The following MAN1A2 variants were observed in gnomAD, a reference collection of about 807,000 sequenced individuals.
MAN1A2 encodes mannosidase alpha class 1A member 2.
In MAN1A2, 26 loss-of-function variants were observed where a neutral mutation model predicts 75.7. That is an observed-to-expected ratio of 0.34 (90% CI 0.25 to 0.48). MAN1A2 has a LOEUF of 0.48. MAN1A2 is among the 20% of genes least tolerant of loss of function. The probability of loss-of-function intolerance (pLI) is 0.99; values close to 1 mark genes in which losing one functional copy is unlikely to be tolerated. For missense variants in MAN1A2, 562 were observed against 775.5 expected (o/e 0.72, Z 3.27); for synonymous variants, 247 against 264.6 (o/e 0.93, Z 0.65).
intron 8 of MAN1A2, among the ~76,000 whole-genome samples, chr1:117,483,141 G>A (rs1246282410): frequency 6.6e-6 from 1 of 152,050 alleles, no homozygotes; most frequent in Non-Finnish European, 1.5e-5. Flanking sequence ...GGTTACTGTA[G>A]CCTTATAGTA....
At chr1:117,476,274 T>G (rs1220549191) in intron 8 of MAN1A2, among the ~76,000 whole-genome samples, 1 of 152,144 alleles carries the variant, frequency 6.6e-6, no homozygotes, top group Non-Finnish European at 1.5e-5. Context: ...GTCAGATGGA[T>G]AGATTGCAAA....
At chr1:117,496,141 A>G (rs544096088) in intron 9 of MAN1A2, among the ~76,000 whole-genome samples, 182 of 152,040 alleles carry the variant, frequency 1.2e-3, no homozygotes, top group Non-Finnish European at 2.2e-3. Flanking sequence ...TTTCAGAAAG[A>G]AAAGTTAACC....
At chr1:117,406,234 A>G (rs1647610252) in intron 3 of MAN1A2, among the ~76,000 whole-genome samples, 2 of 152,154 alleles carry the variant, frequency 1.3e-5, no homozygotes, top group African/African-American at 2.4e-5. Context: ...AACTTAACCA[A>G]TTTAACAACT....
intron 2 of MAN1A2, among the ~76,000 whole-genome samples, chr1:117,403,777 T>C (rs982652013): frequency 1.1e-4 from 17 of 152,306 alleles, no homozygotes; most frequent in African/African-American, 4.1e-4. Flanking sequence ...CTTGTCGTAC[T>C]GCAGTGGCTA....
intron 7 of MAN1A2, among the ~76,000 whole-genome samples, chr1:117,461,751 C>T (rs1052671841): frequency 6.6e-5 from 10 of 151,878 alleles, no homozygotes; most frequent in Non-Finnish European, 7.4e-5. Context: ...GGAGAGATAT[C>T]GTATTTATAT....
chr1:117,446,345 A>G (rs1462208641), intron 6 of MAN1A2, among the ~76,000 whole-genome samples: 1 of 151,728 alleles, frequency 6.6e-6, no homozygotes, highest in East Asian at 1.9e-4. Context: ...CTGGCTCCTT[A>G]CATTGGAACT....
At chr1:117,455,482 G>A (rs762053636) in intron 6 of MAN1A2, among the ~76,000 whole-genome samples, 1 of 152,020 alleles carries the variant, frequency 6.6e-6, no homozygotes, top group South Asian at 2.1e-4. Context: ...ATTTTTGTAT[G>A]TAAATTATAC....
intron 11 of MAN1A2, among the ~76,000 whole-genome samples, chr1:117,502,149 G>A (rs1459246717): frequency 6.6e-6 from 1 of 151,702 alleles, no homozygotes; most frequent in Non-Finnish European, 1.5e-5. Context: ...CTGTGCCTCA[G>A]TTTTCCCATC....
At chr1:117,490,952 T>A (rs1229217473) in intron 8 of MAN1A2, among the ~76,000 whole-genome samples, 2 of 152,014 alleles carry the variant, frequency 1.3e-5, no homozygotes, top group Non-Finnish European at 2.9e-5. Context: ...ATTCTGTGAA[T>A]GCTAAGAGAG....
intron 1 of MAN1A2, among the ~76,000 whole-genome samples, chr1:117,383,330 G>A (rs773374936): frequency 1.7e-4 from 26 of 152,148 alleles, no homozygotes; most frequent in Non-Finnish European, 3.1e-4. Context: ...GCCTATGCCT[G>A]TAGTTCTTTT....
At chr1:117,371,687 G>A (rs1289954) in intron 1 of MAN1A2, among the ~76,000 whole-genome samples, 117,857 of 152,006 alleles carry the variant, frequency 0.78, 46,013 homozygotes, top group African/African-American at 0.85. Context: ...GTGTGGGTCT[G>A]GGTGATGAGA....
intron 2 of MAN1A2, among the ~76,000 whole-genome samples, chr1:117,402,915 C>T (rs551908500): frequency 4.6e-4 from 70 of 152,084 alleles, no homozygotes; most frequent in South Asian, 2.5e-3. Context: ...CACATTCCTT[C>T]CAAAAAGTCT....
chr1:117,451,469 T>C (rs527813541), intron 6 of MAN1A2, among the ~76,000 whole-genome samples: 2 of 152,176 alleles, frequency 1.3e-5, no homozygotes, highest in African/African-American at 4.8e-5. Flanking sequence ...TGGGAAGGCA[T>C]GATTGGTTTT....
intron 5 of MAN1A2, among the ~76,000 whole-genome samples, chr1:117,428,512 ACAC>A: frequency 6.6e-6 from 1 of 152,350 alleles, no homozygotes; most frequent in African/African-American, 2.4e-5. Context: ...ATAATATCAT[ACAC>A]CTATATCCAG....
At chr1:117,458,523 A>ATATATTTTTTTTTTTTT (rs1553236643) in intron 6 of MAN1A2, among the ~76,000 whole-genome samples, 18 of 105,594 alleles carry the variant, frequency 1.7e-4, no homozygotes, top group Non-Finnish European at 3.0e-4. Flanking sequence ...ATATATATAT[A>ATATATTTTTTTTTTTTT]TTTTTTTTTT....
chr1:117,472,796 T>C (rs1650202123), intron 8 of MAN1A2, among the ~76,000 whole-genome samples: 1 of 151,984 alleles, frequency 6.6e-6, no homozygotes, highest in African/African-American at 2.4e-5. Flanking sequence ...ATTGATAAAC[T>C]TTCTTAAAAC....
chr1:117,485,243 GAAGTT>G (rs1650635745), intron 8 of MAN1A2, among the ~76,000 whole-genome samples: 1 of 151,948 alleles, frequency 6.6e-6, no homozygotes, highest in Non-Finnish European at 1.5e-5. Flanking sequence ...AGAGGAATAA[GAAGTT>G]AAGCATGTAT....
chr1:117,455,853 A>T (rs66819677), intron 6 of MAN1A2, among the ~76,000 whole-genome samples: 1 of 151,578 alleles, frequency 6.6e-6, no homozygotes, highest in Non-Finnish European at 1.5e-5. Flanking sequence ...AGTATATTAC[A>T]TATCCTCTCA....
chr1:117,501,556 A>G (rs181427430), intron 11 of MAN1A2, among the ~76,000 whole-genome samples: 1 of 151,828 alleles, frequency 6.6e-6, no homozygotes, highest in African/African-American at 2.4e-5. Flanking sequence ...CCTCCCCACT[A>G]CTTTCTTATT....
Sources: gnomAD v4.1 joint callset for allele counts (sites outside exome capture counted in the v4.1 genomes callset) on GRCh38, gnomAD v4.1.1 for gene constraint, MANE v1.5 for transcripts, NCBI Gene and HGNC (gene_info 2026-07-23, HGNC 2026-07-21) for gene names.